ZSWIM5: variants seen among roughly 807,000 people sequenced by gnomAD.
ZSWIM5 encodes the protein zinc finger SWIM domain-containing protein 5.
A neutral mutation model predicts 119.6 loss-of-function variants in ZSWIM5; 55 were observed. The ratio of observed to expected loss-of-function variants is 0.46; its 90% CI spans 0.37 to 0.58. The LOEUF (loss-of-function observed/expected upper bound fraction) is 0.58, where lower values mean the gene tolerates loss of function less well. ZSWIM5 is among the 20% of genes least tolerant of loss of function. The pLI, the probability that ZSWIM5 is intolerant of heterozygous loss-of-function variation, is 0.00. For synonymous variants in ZSWIM5, 537 were observed against 606.9 expected, an observed-to-expected ratio of 0.88 and a Z score of 1.69; for missense variants, 1,193 against 1,512.8, an observed-to-expected ratio of 0.79 and a Z score of 3.51.
At chr1:45,133,991 C>T (rs1019326337) in intron 1 of ZSWIM5, among the ~76,000 whole-genome samples, 3 of 152,124 alleles carry the variant, frequency 2.0e-5, no homozygotes, top group South Asian at 2.1e-4. Flanking sequence ...GGTACCAGTA[C>T]CATGCTGTTT....
intron 10 of ZSWIM5, among the ~76,000 whole-genome samples, 189 bp from the exon 11 acceptor site, chr1:45,034,658 A>G (rs1228835199): frequency 6.6e-6 from 1 of 152,256 alleles, no homozygotes; most frequent in East Asian, 1.9e-4. Flanking sequence ...AGAGTACTCA[A>G]CGCTGAATAG....
At chr1:45,048,072 T>G in intron 5 of ZSWIM5, among the ~76,000 whole-genome samples, 1 of 25,524 alleles carries the variant, frequency 3.9e-5, no homozygotes, top group Admixed American at 5.7e-4. Context: ...TTTCTTTCCT[T>G]TTCTTTTCTC....
intron 2 of ZSWIM5, among the ~76,000 whole-genome samples, chr1:45,076,274 CTCTT>C (rs1265791008): frequency 6.6e-6 from 1 of 152,122 alleles, no homozygotes; most frequent in Non-Finnish European, 1.5e-5. Flanking sequence ...TAGAAGTACT[CTCTT>C]TTAGCATTTC....
At chr1:45,201,567 T>C (rs1157489745) in intron 1 of ZSWIM5, among the ~76,000 whole-genome samples, 1 of 152,158 alleles carries the variant, frequency 6.6e-6, no homozygotes, top group Non-Finnish European at 1.5e-5. Context: ...AGAAATAAAA[T>C]TGTCTCCCAT....
chr1:45,138,301 C>T (rs989290317), intron 1 of ZSWIM5, among the ~76,000 whole-genome samples: 2 of 151,686 alleles, frequency 1.3e-5, no homozygotes, highest in African/African-American at 2.4e-5. Flanking sequence ...GTCAGGAGTT[C>T]GAGACCAGCC....
At chr1:45,190,195 C>T (rs185966046) in intron 1 of ZSWIM5, among the ~76,000 whole-genome samples, 37 of 151,958 alleles carry the variant, frequency 2.4e-4, no homozygotes, top group African/African-American at 8.4e-4. Flanking sequence ...CATAGTGGTG[C>T]GTGCCTATAG....
chr1:45,131,249 T>G (rs915037015), intron 1 of ZSWIM5, among the ~76,000 whole-genome samples: 1 of 152,174 alleles, frequency 6.6e-6, no homozygotes, highest in African/African-American at 2.4e-5. Flanking sequence ...GGAAATTAGG[T>G]AAAGGGCATT....
intron 1 of ZSWIM5, among the ~76,000 whole-genome samples, chr1:45,168,601 G>T (rs1309741211): frequency 1.4e-5 from 2 of 145,330 alleles, no homozygotes; most frequent in African/African-American, 5.1e-5. Context: ...GAAGACAGAA[G>T]TTGCAGTGAG....
chr1:45,039,211 T>G, intron 7 of ZSWIM5, 138 bp from the exon 8 acceptor site: 1 of 1,105,884 alleles, frequency 9.0e-7, no homozygotes, highest in Non-Finnish European at 1.3e-6. Flanking sequence ...TGCCTTGGGT[T>G]GATACGGCTG....
intron 1 of ZSWIM5, among the ~76,000 whole-genome samples, chr1:45,204,859 T>C (rs1646177770): frequency 2.0e-5 from 3 of 152,210 alleles, no homozygotes; most frequent in African/African-American, 7.2e-5. Context: ...AAGTCAATGT[T>C]AATCATTTTT....
intron 1 of ZSWIM5, among the ~76,000 whole-genome samples, chr1:45,126,571 C>T (rs1337709982): frequency 1.3e-5 from 2 of 151,978 alleles, no homozygotes; most frequent in Non-Finnish European, 2.9e-5. Context: ...AATCCTTGTG[C>T]CCAAATTATT....
chr1:45,143,211 G>A (rs1164866937), intron 1 of ZSWIM5, among the ~76,000 whole-genome samples: 1 of 147,420 alleles, frequency 6.8e-6, no homozygotes, highest in Non-Finnish European at 1.5e-5. Context: ...AGAAAACACA[G>A]ACCAATATTT....
intron 1 of ZSWIM5, among the ~76,000 whole-genome samples, chr1:45,097,694 C>T (rs1476901564): frequency 3.9e-5 from 6 of 152,042 alleles, no homozygotes; most frequent in African/African-American, 1.4e-4. Flanking sequence ...TCTTTCAACT[C>T]AATGTGCTTC....
chr1:45,169,159 G>T (rs1241360663), intron 1 of ZSWIM5, among the ~76,000 whole-genome samples: 1 of 151,500 alleles, frequency 6.6e-6, no homozygotes, highest in Non-Finnish European at 1.5e-5. Context: ...CTTCCAATCT[G>T]TATATCTAGT....
chr1:45,190,409 G>A (rs1646084473), intron 1 of ZSWIM5, among the ~76,000 whole-genome samples: 1 of 152,146 alleles, frequency 6.6e-6, no homozygotes, highest in Non-Finnish European at 1.5e-5. Context: ...GGAGATTAGA[G>A]GAGCGGGACA....
chr1:45,075,777 C>G (rs1476985861), intron 2 of ZSWIM5, among the ~76,000 whole-genome samples: 1 of 150,920 alleles, frequency 6.6e-6, no homozygotes, highest in Non-Finnish European at 1.5e-5. Flanking sequence ...GTTCTGTGGT[C>G]TTCTCTTCCT....
At chr1:45,028,526 TGA>T (rs1644933475) in intron 11 of ZSWIM5, among the ~76,000 whole-genome samples, 1 of 151,936 alleles carries the variant, frequency 6.6e-6, no homozygotes, top group African/African-American at 2.4e-5. Flanking sequence ...GAGGCTGAGG[TGA>T]GTCGATCACC....
intron 3 of ZSWIM5, 23 bp downstream of exon 3, chr1:45,060,076 A>T (rs749099461): frequency 6.2e-7 from 1 of 1,613,616 alleles, no homozygotes; most frequent in African/African-American, 1.3e-5. Flanking sequence ...ACAACAAAAG[A>T]AAAACACCTT....
chr1:45,134,170 T>G (rs951588724), intron 1 of ZSWIM5, among the ~76,000 whole-genome samples: 19 of 152,262 alleles, frequency 1.2e-4, no homozygotes, highest in Non-Finnish European at 2.5e-4. Flanking sequence ...AGCTTGATGG[T>G]GATGGCATTG....
Sources: allele counts gnomAD v4.1 joint callset (sites outside exome capture counted in the v4.1 genomes callset), GRCh38; gene constraint gnomAD v4.1.1; transcripts MANE v1.5; gene names NCBI Gene and HGNC (gene_info 2026-07-23, HGNC 2026-07-21).